Variants in TIMELESS observed in about 807,000 individuals in gnomAD.
TIMELESS encodes timeless circadian regulator, also known as protein timeless homolog.
Under a neutral mutation model 164.3 loss-of-function variants are expected in TIMELESS, and 124 were observed. That is an observed-to-expected ratio of 0.75 (90% CI 0.65 to 0.88). TIMELESS has a LOEUF of 0.88. Ranked by LOEUF, TIMELESS falls within the 40% of genes least tolerant of loss-of-function variation. The pLI is 0.00. For synonymous variants in TIMELESS, 564 were observed against 563.4 expected (o/e 1.00, Z -0.02); for missense variants, 1,422 against 1,491.4 (o/e 0.95, Z 0.77).
intron 13 of TIMELESS, among the ~76,000 whole-genome samples, chr12:56,427,131 G>T (rs905339670): frequency 6.6e-6 from 1 of 151,260 alleles, no homozygotes; most frequent in African/African-American, 2.4e-5. Flanking sequence ...AATTGTTTTT[G>T]TTTTTTGTTG....
At chr12:56,428,186 T>C in intron 13 of TIMELESS, 50 bp downstream of exon 13, 1 of 1,504,380 alleles carries the variant, frequency 6.6e-7, no homozygotes, top group Non-Finnish European at 8.9e-7. Flanking sequence ...GAGCCCCCCT[T>C]CCTTGACTCT....
At chr12:56,428,197 C>T in intron 13 of TIMELESS, 39 bp downstream of exon 13, 1 of 1,538,360 alleles carries the variant, frequency 6.5e-7, no homozygotes, top group South Asian at 1.2e-5. Context: ...CCTTGACTCT[C>T]CCTTACAGCT....
At chr12:56,444,438 G>A (rs2136155704) in intron 1 of TIMELESS, among the ~76,000 whole-genome samples, 1 of 152,168 alleles carries the variant, frequency 6.6e-6, no homozygotes, top group South Asian at 2.1e-4. Flanking sequence ...TCTAATCTAA[G>A]TACTCTGTGA....
intron 22 of TIMELESS, 72 bp downstream of exon 22, chr12:56,421,655 A>C: frequency 1.3e-6 from 2 of 1,573,670 alleles, no homozygotes; most frequent in South Asian, 2.2e-5. Context: ...CTTGGGAATA[A>C]AAGGCAGCCC....
intron 1 of TIMELESS, among the ~76,000 whole-genome samples, chr12:56,437,869 C>T (rs2136149615): frequency 6.6e-6 from 1 of 152,214 alleles, no homozygotes; most frequent in African/African-American, 2.4e-5. Flanking sequence ...ATGGAGGCAG[C>T]AGGCAAGCAC....
intron 7 of TIMELESS, 47 bp downstream of exon 7, chr12:56,432,321 GA>G: frequency 1.3e-6 from 2 of 1,573,166 alleles, no homozygotes; most frequent in Non-Finnish European, 1.7e-6. Flanking sequence ...CTGTACAGCA[GA>G]AAAGTACATG....
chr12:56,425,935 C>T (rs1881663275), intron 13 of TIMELESS, among the ~76,000 whole-genome samples: 1 of 151,646 alleles, frequency 6.6e-6, no homozygotes, highest in South Asian at 2.1e-4. Context: ...GAGTCAATAC[C>T]CAAATCCTGC....
At chr12:56,448,264 G>A (rs1289799168) in intron 1 of TIMELESS, among the ~76,000 whole-genome samples, 1 of 151,848 alleles carries the variant, frequency 6.6e-6, no homozygotes, top group Non-Finnish European at 1.5e-5. Context: ...AAATTAGCCG[G>A]GCGTGGTGGC....
At chr12:56,438,012 C>T (rs568563048) in intron 1 of TIMELESS, among the ~76,000 whole-genome samples, 18 of 152,234 alleles carry the variant, frequency 1.2e-4, no homozygotes, top group African/African-American at 4.3e-4. Context: ...TGCTCTCTCG[C>T]TCCGAGAGTG....
chr12:56,430,373 G>A lies in TIMELESS; in HGVS notation c.910-92C>T, dbSNP rs993481703. ...ATTTTCTCAGAAGAAACTAATTTTTGTTTTTCTTTTGAGACAAGAACTTGC... is the reference window on the plus strand; with the variant it reads ...ATTTTCTCAGAAGAAACTAATTTTTATTTTTCTTTTGAGACAAGAACTTGC... On this transcript the variant is annotated intron_variant, in intron 9 of 28. Transcript: ENST00000553532. 4.0e-5 allele frequency: 58 copies of A among 1,459,578 alleles called. No homozygotes were observed. The Admixed American group carries it at 1.3e-3, about 32-fold the overall frequency. The allele number at this position is 1,459,578 out of a possible 1,614,324, so 90.4% of individuals were successfully genotyped here. A position where few individuals can be genotyped will look rare whatever the true frequency, so the allele number is the denominator to read the frequency against.
intron 9 of TIMELESS, 132 bp from the exon 10 acceptor site, chr12:56,430,413 TG>T: frequency 9.6e-7 from 1 of 1,041,130 alleles, no homozygotes; most frequent in East Asian, 2.6e-5. Flanking sequence ...TCACCCAGGC[TG>T]GAGTGTAATG....
intron 15 of TIMELESS, 111 bp downstream of exon 15, chr12:56,424,651 T>C: frequency 1.4e-6 from 2 of 1,387,152 alleles, no homozygotes; most frequent in African/African-American, 1.4e-5. Context: ...TGGTATACAG[T>C]CCCAGAGCCT....
intron 13 of TIMELESS, among the ~76,000 whole-genome samples, chr12:56,426,384 TC>T (rs1881678406): frequency 8.8e-6 from 1 of 113,236 alleles, no homozygotes; most frequent in East Asian, 2.1e-4. Flanking sequence ...TGGTACAAAA[TC>T]TTTTTTTTTT....
At chr12:56,435,400 C>T (rs897439619) in intron 1 of TIMELESS, among the ~76,000 whole-genome samples, 1 of 152,104 alleles carries the variant, frequency 6.6e-6, no homozygotes, top group Non-Finnish European at 1.5e-5. Flanking sequence ...ACTCTGTTGC[C>T]CAGGCTGGAG....
rs773328744 is a variant in TIMELESS at position 56,421,048 on chromosome 12, T to G, written c.2955A>C (p.Glu985Asp). 6.2e-7 allele frequency: 1 copy of G among 1,614,182 alleles called. No individual in the cohort carries two copies. Among genetic ancestry groups the G allele is most frequent in the East Asian group, 2.2e-5 (1 of 44,880 alleles). Residue 985 changes from glutamate to aspartate, a missense_variant, in exon 24 of 29, where the codon GAA becomes GAC. By Grantham distance (45) the Glu-to-Asp change is conservative. Transcript: ENST00000553532. The part of the protein sequence containing the change: ...ENLPEEDSEE[E>D]EEGGSEAEQV... ...GTTCTGCTTCTGAGCCCCCTTCTTC[T>G]TCCTCTTCGCTGTCTTCCTCAGGCA...
Position 56,428,279 on chromosome 12 carries a change from A to G in TIMELESS, c.1535T>C (p.Met512Thr), listed in dbSNP as rs749670951. ...ACGGCTCCGACAGAATCGCTCCAAC[A>G]TTTTGAGGAAGAGGTGGGTGGTCTC... Reference protein sequence around the residue: ...LVETTHLFLKMLERFCRSRGN... With the variant: ...LVETTHLFLKTLERFCRSRGN... The change falls in exon 13 of 29, where the codon ATG becomes ACG. Residue 512 changes from methionine to threonine, a missense_variant. Met to Thr is a moderately conservative substitution (Grantham distance 81, BLOSUM62 -1). Coordinates refer to ENST00000553532, the MANE Select transcript of TIMELESS (RefSeq NM_003920.5). 11 of 1,611,894 alleles carry G rather than the reference A, an allele frequency of 6.8e-6. No homozygotes were observed. The highest frequency in any genetic ancestry group is 9.3e-6 in the Non-Finnish European group (11 of 1,178,392).
intron 1 of TIMELESS, among the ~76,000 whole-genome samples, chr12:56,448,710 CA>C (rs1868443161): frequency 6.6e-6 from 1 of 151,900 alleles, no homozygotes. Flanking sequence ...TCCTGGGCGA[CA>C]GAACGAGACT....
chr12:56,423,917 G>C, intron 15 of TIMELESS, 23 bp from the exon 16 acceptor site: 1 of 1,602,598 alleles, frequency 6.2e-7, no homozygotes, highest in Non-Finnish European at 8.5e-7. Flanking sequence ...TAGAAAAAAG[G>C]CTTTACCCAG....
rs144218993 is a variant in TIMELESS, at chr12:56,431,595, G to T, written c.697C>A (p.Gln233Lys). The part of the protein sequence containing the change: ...SLMFRDQNPE[Q>K]LAGVGQGRLA... ...CGTCCCTGCCCTACTCCCGCCAGCT[G>T]CTCGGGGTTCTAGATTGGAACAAAG... is the stretch of plus-strand genomic sequence containing the variant. The change falls in exon 8 of 29, where the codon CAG becomes AAG. Residue 233 changes from glutamine to lysine, a missense_variant. Gln to Lys is a moderately conservative substitution (Grantham distance 53). Transcript: ENST00000553532. 3.0e-4 allele frequency: 483 copies of T among 1,611,946 alleles called. No individual in the cohort carries two copies. In the African/African-American group the frequency reaches 5.4e-3, roughly 18 times the overall value.
Sources: allele counts gnomAD v4.1 joint callset (sites outside exome capture counted in the v4.1 genomes callset), GRCh38; gene constraint gnomAD v4.1.1; transcripts MANE v1.5; gene names NCBI Gene and HGNC (gene_info 2026-07-23, HGNC 2026-07-21).